The following ABCB8 variants were observed in gnomAD, a reference collection of about 807,000 sequenced individuals.
ABCB8 encodes the protein mitochondrial potassium channel ATP-binding subunit.
ABCB8 carries 52 observed loss-of-function variants against 73.0 expected under a neutral mutation model. The observed-to-expected ratio is 0.71, with a 90% CI of 0.57 to 0.90. ABCB8 has a LOEUF of 0.90. ABCB8 is among the 40% of genes least tolerant of loss of function. The pLI is 0.00. For missense variants in ABCB8, 909 were observed against 974.6 expected (o/e 0.93, Z 0.90); for synonymous variants, 428 against 423.5 (o/e 1.01, Z -0.13).
At chr7:151,044,784 G>A (rs755888591) in intron 15 of ABCB8, among the ~76,000 whole-genome samples, 3 of 152,200 alleles carry the variant, frequency 2.0e-5, no homozygotes, top group Non-Finnish European at 4.4e-5. Flanking sequence ...GGTGCTGGGA[G>A]CAAGGAGCAG....
rs771603060 is a variant in ABCB8 at position 151,036,814 on chromosome 7, C to T, written c.1217+165C>T. 3.9e-6 allele frequency: 3 copies of T among 767,094 alleles called. No individual in the cohort carries two copies. In the South Asian group the frequency reaches 4.2e-5, roughly 11 times the overall value. 47.5% of individuals were successfully genotyped at this position (767,094 alleles called of 1,614,324 possible). ...CATAGGGTGGGGAGAGAGAGCCCCTCAGGGCCCATAACAACCCTCCTGGCT... is the reference window on the plus strand; with the variant it reads ...CATAGGGTGGGGAGAGAGAGCCCCTTAGGGCCCATAACAACCCTCCTGGCT... On this transcript the variant is annotated intron_variant, in intron 9 of 15. Coordinates refer to ENST00000358849, the MANE Select transcript of ABCB8 (RefSeq NM_007188.5).
At position 151,028,479 on chromosome 7, in the gene ABCB8, C is replaced by T. The variant is rs113239828; in HGVS notation, c.-37C>T. On this transcript the variant is annotated 5_prime_UTR_variant, in exon 1 of 16. Transcript: ENST00000358849. ...AGCCCTCAGTGGGATGAGGGTGAAA[C>T]TGCTATTGCCGGCGGCTCCTGTTTT... is the stretch of plus-strand genomic sequence containing the variant. The T allele has an allele frequency of 2.5e-6, 4 of 1,592,606 alleles. No individual in the cohort carries two copies. Among genetic ancestry groups the T allele is most frequent in the East Asian group, 2.3e-5 (1 of 44,106 alleles).
Position 151,046,111 on chromosome 7 carries a change from G to C in ABCB8, c.*762G>C, listed in dbSNP as rs1796604661. 6.6e-6 allele frequency: 1 copy of C among 152,310 alleles called. No homozygotes were observed. Among genetic ancestry groups the C allele is most frequent in the African/African-American group, 2.4e-5 (1 of 41,464 alleles). The allele number at this position is 152,310 out of a possible 1,614,324, so 9.4% of individuals were successfully genotyped here. ...TGCCTGGCTGTCTTCCACCGGCCCTGCCCTGTGTGCCTGGCGTCTTTCACC... is the reference window on the plus strand; with the variant it reads ...TGCCTGGCTGTCTTCCACCGGCCCTCCCCTGTGTGCCTGGCGTCTTTCACC... On this transcript the variant is annotated 3_prime_UTR_variant, in exon 16 of 16. Coordinates refer to ENST00000358849, the MANE Select transcript of ABCB8 (RefSeq NM_007188.5).
intron 9 of ABCB8, 145 bp downstream of exon 9, chr7:151,036,794 G>A (rs1304462921): frequency 8.8e-6 from 7 of 798,588 alleles, no homozygotes; most frequent in Non-Finnish European, 1.5e-5. Flanking sequence ...GGATGCATAG[G>A]GTGGGGAGAG....
At chr7:151,031,685 A>G (rs543524125) in intron 1 of ABCB8, 67 of 155,294 alleles carry the variant, frequency 4.3e-4, no homozygotes, top group Non-Finnish European at 7.5e-4. Flanking sequence ...AGGCTGGAGT[A>G]CGGTAGCACG....
chr7:151,033,619 A>T lies in ABCB8; in HGVS notation c.110A>T (p.Tyr37Phe). The T allele has an allele frequency of 6.3e-7, 1 of 1,579,466 alleles. No homozygotes were observed. The highest frequency in any genetic ancestry group is 1.3e-5 in the African/African-American group (1 of 74,236). The change falls in exon 2 of 16, where the codon TAC becomes TTC. Residue 37 changes from tyrosine to phenylalanine, a missense_variant. Physicochemically the swap from Tyr to Phe is conservative, Grantham distance 22 (BLOSUM62 3). Coordinates refer to ENST00000358849, the MANE Select transcript of ABCB8 (RefSeq NM_007188.5). Reference sequence around the variant, plus strand: ...TCTCCTTACAGGTACTCTGATGGCTACCGCAGCTCCTCCCTCCTCCGGGCC... The same window carrying T: ...TCTCCTTACAGGTACTCTGATGGCTTCCGCAGCTCCTCCCTCCTCCGGGCC... ...TFSAVRYSDG[Y>F]RSSSLLRAVA...
rs1426530580 is a variant in ABCB8 at position 151,045,400 on chromosome 7, G to A, written c.*51G>A. On this transcript the variant is annotated 3_prime_UTR_variant, in exon 16 of 16. Transcript: ENST00000358849. Reference sequence around the variant, plus strand: ...TGCCAAGCATCAGTGTTAGGGCTGGGGCTCAGCCTGGGGGAGCCTACTGGG... The same window carrying A: ...TGCCAAGCATCAGTGTTAGGGCTGGAGCTCAGCCTGGGGGAGCCTACTGGG... The A allele has an allele frequency of 2.8e-6, 4 of 1,437,458 alleles. No individual in the cohort carries two copies. Among genetic ancestry groups the A allele is most frequent in the Non-Finnish European group, 2.7e-6 (3 of 1,091,078 alleles). 89.0% of individuals were successfully genotyped at this position (1,437,458 alleles called of 1,614,324 possible). A position where few individuals can be genotyped will look rare whatever the true frequency, so the allele number is the denominator to read the frequency against.
chr7:151,031,214 T>C, intron 1 of ABCB8: 1 of 1,410,304 alleles, frequency 7.1e-7, no homozygotes, highest in Non-Finnish European at 9.7e-7. Context: ...GCCAGTGCTG[T>C]CTAAGATATA....
chr7:151,035,758 G>C lies in ABCB8; in HGVS notation c.927+16G>C. 6.2e-7 allele frequency: 1 copy of C among 1,611,740 alleles called. No homozygotes were observed. The highest frequency in any genetic ancestry group is 8.5e-7 in the Non-Finnish European group (1 of 1,180,004). On this transcript the variant is annotated intron_variant, in intron 6 of 15. Coordinates refer to ENST00000358849, the MANE Select transcript of ABCB8 (RefSeq NM_007188.5). ...TCAGGAGCAGGTACCGGCATTCCTG[G>C]CCATCCTCTTCACCCTCCCCACACC...
chr7:151,044,596 T>G (rs186756887), intron 15 of ABCB8, among the ~76,000 whole-genome samples: 3 of 152,046 alleles, frequency 2.0e-5, no homozygotes, highest in African/African-American at 7.2e-5. Flanking sequence ...AAAAAAAAAT[T>G]AGCCGGATGT....
In ABCB8 at chr7:151,040,257, T is replaced by C. The variant is rs1244146122; in HGVS notation, c.1218-11T>C. ...CCCATCTATTCCACCCCTCTCTCCTTTTTCTGACAGGTCCATGGCCAACCT... is the reference window on the plus strand; with the variant it reads ...CCCATCTATTCCACCCCTCTCTCCTCTTTCTGACAGGTCCATGGCCAACCT... On this transcript the variant is annotated splice_polypyrimidine_tract_variant and intron_variant, in intron 9 of 15. Transcript: ENST00000358849. The C allele has an allele frequency of 6.2e-7, 1 of 1,611,602 alleles. No individual in the cohort carries two copies. The highest frequency in any genetic ancestry group is 1.7e-5 in the Admixed American group (1 of 59,376).
rs1470544430 is a variant in ABCB8 at position 151,047,219 on chromosome 7, C to A, written c.*1870C>A. The stretch of plus-strand genomic sequence containing the variant: ...TTTAAATCCAGCCCTTCACCCGCCC[C>A]CTAGAGAAGCAGTGAAACCCCTTGG... On this transcript the variant is annotated 3_prime_UTR_variant, in exon 16 of 16. Coordinates refer to ENST00000358849, the MANE Select transcript of ABCB8 (RefSeq NM_007188.5). The A allele has an allele frequency of 6.6e-6, 1 of 152,254 alleles. No homozygotes were observed. The highest frequency in any genetic ancestry group is 2.4e-5 in the African/African-American group (1 of 41,452). The allele number at this position is 152,254 out of a possible 1,614,324, so 9.4% of individuals were successfully genotyped here.
Position 151,034,400 on chromosome 7 carries a change from C to T in ABCB8, c.536C>T (p.Thr179Ile), listed in dbSNP as rs1259569932. Residue 179 changes from threonine to isoleucine, a missense_variant, in exon 3 of 16, where the codon ACC becomes ATC. Physicochemically the swap from Thr to Ile is moderately conservative, Grantham distance 89 (BLOSUM62 -1). Coordinates refer to ENST00000358849, the MANE Select transcript of ABCB8 (RefSeq NM_007188.5). ...ATGACTGAGTCCCAGAATCTCAGCACCCACCTGCTTATCCTCTATGGTGTC... is the reference window on the plus strand; with the variant it reads ...ATGACTGAGTCCCAGAATCTCAGCATCCACCTGCTTATCCTCTATGGTGTC... Reference protein sequence around the residue: ...SFMTESQNLSTHLLILYGVQG... With the variant: ...SFMTESQNLSIHLLILYGVQG... 2 of 1,614,036 alleles carry T rather than the reference C, an allele frequency of 1.2e-6. No individual in the cohort carries two copies. The highest frequency in any genetic ancestry group is 1.1e-5 in the South Asian group (1 of 91,078).
intron 14 of ABCB8, among the ~76,000 whole-genome samples, chr7:151,042,497 C>G (rs1796495464): frequency 6.6e-6 from 1 of 152,238 alleles, no homozygotes; most frequent in South Asian, 2.1e-4. Context: ...TGCCTCCTCT[C>G]CACCATCCAT....
rs2117233259 is a variant in ABCB8, at chr7:151,040,907, G to A, written c.1468G>A (p.Gly490Ser). 1 of 1,605,238 alleles carries A rather than the reference G, an allele frequency of 6.2e-7. No individual in the cohort carries two copies. The highest frequency in any genetic ancestry group is 8.5e-7 in the Non-Finnish European group (1 of 1,176,096). Reference sequence around the variant, plus strand: ...CCCTGGCAAGATCGTGGCCCTCGTGGGCCAGTCTGGCGGAGGTAAGGGGAG... The same window carrying A: ...CCCTGGCAAGATCGTGGCCCTCGTGAGCCAGTCTGGCGGAGGTAAGGGGAG... Reference protein sequence around the residue: ...LPPGKIVALVGQSGGGKTTVA... With the variant: ...LPPGKIVALVSQSGGGKTTVA... Residue 490 changes from glycine to serine, a missense_variant, in exon 12 of 16, where the codon GGC (glycine) becomes AGC (serine). Physicochemically the swap from Gly to Ser is moderately conservative, Grantham distance 56. Transcript: ENST00000358849.
At position 151,033,779 on chromosome 7, in the gene ABCB8, C is replaced by T; in HGVS notation, c.270C>T (p.Leu90=). ...TGGTACTGAGTAAGCATCCCCACCTCTGCCTTGTGGCCCTGTGTGAGGCAG... is the reference window on the plus strand; with the variant it reads ...TGGTACTGAGTAAGCATCCCCACCTTTGCCTTGTGGCCCTGTGTGAGGCAG... ...GPMVLSKHPH[L]CLVALCEAEE... is the part of the protein sequence containing the mutation. The change falls in exon 2 of 16, where the codon CTC becomes CTT. Residue 90 remains leucine (L), a synonymous_variant. Coordinates refer to ENST00000358849, the MANE Select transcript of ABCB8 (RefSeq NM_007188.5). The T allele has an allele frequency of 6.2e-7, 1 of 1,614,140 alleles. No homozygotes were observed. The highest frequency in any genetic ancestry group is 8.5e-7 in the Non-Finnish European group (1 of 1,180,002).
chr7:151,028,828 C>T (rs771803719), intron 1 of ABCB8: 19 of 1,556,916 alleles, frequency 1.2e-5, no homozygotes, highest in Non-Finnish European at 1.6e-5. Context: ...AGCCGCGTGT[C>T]AGCCAGAAGG....
chr7:151,028,506 C>T lies in ABCB8; in HGVS notation c.-10C>T, dbSNP rs893826473. On this transcript the variant is annotated 5_prime_UTR_variant, in exon 1 of 16. Coordinates refer to ENST00000358849, the MANE Select transcript of ABCB8 (RefSeq NM_007188.5). ...GCTATTGCCGGCGGCTCCTGTTTTA[C>T]CGCGTCAGCATGCTGGTGCATTTAT... 6.2e-7 allele frequency: 1 copy of T among 1,611,330 alleles called. No individual in the cohort carries two copies. The highest frequency in any genetic ancestry group is 8.5e-7 in the Non-Finnish European group (1 of 1,179,016).
chr7:151,028,480 T>G lies in ABCB8; in HGVS notation c.-36T>G. On this transcript the variant is annotated 5_prime_UTR_variant, in exon 1 of 16. Coordinates refer to ENST00000358849, the MANE Select transcript of ABCB8 (RefSeq NM_007188.5). Reference sequence around the variant, plus strand: ...GCCCTCAGTGGGATGAGGGTGAAACTGCTATTGCCGGCGGCTCCTGTTTTA... The same window carrying G: ...GCCCTCAGTGGGATGAGGGTGAAACGGCTATTGCCGGCGGCTCCTGTTTTA... The G allele has an allele frequency of 6.3e-7, 1 of 1,594,422 alleles. No individual in the cohort carries two copies. Among genetic ancestry groups the G allele is most frequent in the East Asian group, 2.3e-5 (1 of 44,164 alleles).
Sources: gnomAD v4.1 joint callset for allele counts (sites outside exome capture counted in the v4.1 genomes callset) on GRCh38, gnomAD v4.1.1 for gene constraint, MANE v1.5 for transcripts, NCBI Gene and HGNC (gene_info 2026-07-23, HGNC 2026-07-21) for gene names.